SCRIB: variants seen among roughly 807,000 people sequenced by gnomAD.
SCRIB encodes protein scribble homolog.
Under a neutral mutation model 170.0 loss-of-function variants are expected in SCRIB, and 72 were observed. The ratio of observed to expected loss-of-function variants is 0.42; its 90% confidence interval spans 0.35 to 0.52. SCRIB has a LOEUF of 0.52. SCRIB is among the 20% of genes least tolerant of loss of function. The pLI, the probability that SCRIB is intolerant of heterozygous loss-of-function variation, is 0.02. For missense variants in SCRIB, 2,475 were observed against 2,338.5 expected (o/e 1.06, Z -1.20); for synonymous variants, 1,298 against 1,044.3 (o/e 1.24, Z -4.68).
Position 143,810,936 on chromosome 8 carries a change from A to T in SCRIB, c.1243T>A (p.Leu415Met), listed in dbSNP as rs752129353. 8 of 1,612,048 alleles carry T rather than the reference A, an allele frequency of 5.0e-6. No individual in the cohort carries two copies. In the Admixed American group the frequency reaches 1.2e-4, roughly 24 times the overall value. Residue 415 changes from leucine (L) to methionine (M), a missense_variant, in exon 11 of 37, where the codon TTG (leucine) becomes ATG (methionine). Transcript: ENST00000356994. Reference sequence around the variant, plus strand: ...CTGGGTGGGGGCTGCTGGGGCAGCAAGTAGCAGGTGAGCACCTTCTCGCCG... The same window carrying T: ...CTGGGTGGGGGCTGCTGGGGCAGCATGTAGCAGGTGAGCACCTTCTCGCCG... The part of the protein sequence containing the change: ...RTGEKVLTCY[L>M]LPQQPPPSLE...
At chr8:143,799,231 GT>G (rs1192517359) in intron 24 of SCRIB, among the ~76,000 whole-genome samples, 2 of 152,250 alleles carry the variant, frequency 1.3e-5, no homozygotes, top group Non-Finnish European at 2.9e-5. Flanking sequence ...CTACAGAAAA[GT>G]TAACAGCCAG....
At chr8:143,795,623 A>T in intron 24 of SCRIB, 93 bp from the exon 25 acceptor site, 1 of 1,107,372 alleles carries the variant, frequency 9.0e-7, no homozygotes, top group South Asian at 1.3e-5. Context: ...ATAGTCAGCA[A>T]CGGTGAGCCC....
At position 143,811,134 on chromosome 8, in the gene SCRIB, G is replaced by A. The variant is rs1815697596; in HGVS notation, c.1106+12C>T. On this transcript the variant is annotated intron_variant, in intron 10 of 36. Transcript: ENST00000356994. The stretch of plus-strand genomic sequence containing the variant: ...GCCACGGTTAGGCCCGCAGGGCAAG[G>A]CTGGCACTCACCGGTTCCCCGCCAC... 1 of 1,598,748 alleles carries A rather than the reference G, an allele frequency of 6.3e-7. No individual in the cohort carries two copies. Among genetic ancestry groups the A allele is most frequent in the Non-Finnish European group, 8.5e-7 (1 of 1,173,452 alleles).
rs374942762 is a variant in SCRIB, at chr8:143,792,640, C to G, written c.4178-5G>C. On this transcript the variant is annotated splice_region_variant and splice_polypyrimidine_tract_variant and intron_variant, in intron 30 of 36. Transcript: ENST00000356994. ...TCTTCTGCTGTAGTTTTCTGGCTGC[C>G]GGAGGGCAGGGTGGGTCAGGCCAGA... is the stretch of plus-strand genomic sequence containing the variant. 6.3e-7 allele frequency: 1 copy of G among 1,593,148 alleles called. No individual in the cohort carries two copies. Among genetic ancestry groups the G allele is most frequent in the Admixed American group, 1.7e-5 (1 of 58,958 alleles).
At chr8:143,802,613 T>C (rs1815220938) in intron 24 of SCRIB, among the ~76,000 whole-genome samples, 1 of 152,152 alleles carries the variant, frequency 6.6e-6, no homozygotes, top group Admixed American at 6.5e-5. Context: ...GCCACTCCAG[T>C]GGGAAGCCAG....
chr8:143,799,738 G>A (rs934006256), intron 24 of SCRIB, among the ~76,000 whole-genome samples: 7 of 151,904 alleles, frequency 4.6e-5, no homozygotes, highest in Admixed American at 2.6e-4. Flanking sequence ...GACTGTGCAC[G>A]ACCCCTAAAA....
intron 9 of SCRIB, among the ~76,000 whole-genome samples, chr8:143,811,841 A>G (rs1815740185): frequency 6.6e-6 from 1 of 152,068 alleles, no homozygotes; most frequent in Non-Finnish European, 1.5e-5. Context: ...CCTGTTTCCC[A>G]GCCTGGGGAT....
chr8:143,798,676 C>T (rs1815047653), intron 24 of SCRIB, among the ~76,000 whole-genome samples: 1 of 152,160 alleles, frequency 6.6e-6, no homozygotes, highest in Non-Finnish European at 1.5e-5. Flanking sequence ...AAAAACCCTA[C>T]AATCTTAAAT....
At position 143,811,305 on chromosome 8, in the gene SCRIB, T is replaced by C. The variant is rs1414693223; in HGVS notation, c.947A>G (p.Asn316Ser). 6.2e-7 allele frequency: 1 copy of C among 1,612,806 alleles called. No individual in the cohort carries two copies. Among genetic ancestry groups the C allele is most frequent in the Non-Finnish European group, 8.5e-7 (1 of 1,179,884 alleles). The change falls in exon 10 of 37, where the codon AAC (asparagine) becomes AGC (serine). Residue 316 changes from asparagine (N) to serine (S), a missense_variant. Asn to Ser is a conservative substitution (Grantham distance 46). Coordinates refer to ENST00000356994, the MANE Select transcript of SCRIB (RefSeq NM_182706.5). ...GAGGTGGTTCCGGTCCACGTTGAGG[T>C]TGGTCAGCTTAGTCAGCTTTCCCAG... Reference protein sequence around the residue: ...RSLGKLTKLTNLNVDRNHLEA... With the variant: ...RSLGKLTKLTSLNVDRNHLEA...
At chr8:143,801,678 C>T (rs1249824253) in intron 24 of SCRIB, among the ~76,000 whole-genome samples, 1 of 152,292 alleles carries the variant, frequency 6.6e-6, no homozygotes, top group East Asian at 1.9e-4. Context: ...GGACAGCGAG[C>T]CCCCGGGAAG....
rs2130082959 is a variant in SCRIB at position 143,805,271 on chromosome 8, T to A, written c.2511A>T (p.Arg837=). 6.4e-7 allele frequency: 1 copy of A among 1,553,972 alleles called. No individual in the cohort carries two copies. Among genetic ancestry groups the A allele is most frequent in the African/African-American group, 1.4e-5 (1 of 73,524 alleles). The change falls in exon 19 of 37, where the codon CGA becomes CGT. Residue 837 remains arginine (R), a synonymous_variant. Transcript: ENST00000356994. Reference sequence around the variant, plus strand: ...GGCGCAGCCCCCCTCCCCGCCGCTCTCGGGGGCTGTAATCATCCTCGGGCC... The same window carrying A: ...GGCGCAGCCCCCCTCCCCGCCGCTCACGGGGGCTGTAATCATCCTCGGGCC... ...PLRPEDDYSP[R]ERRGGGLRLP...
Position 143,804,066 on chromosome 8 carries a change from G to C in SCRIB, c.3100C>G (p.Pro1034Ala), listed in dbSNP as rs782460996. 4.3e-6 allele frequency: 7 copies of C among 1,611,358 alleles called. No individual in the cohort carries two copies. Among genetic ancestry groups the C allele is most frequent in the Non-Finnish European group, 5.9e-6 (7 of 1,178,516 alleles). The change falls in exon 22 of 37, where the codon CCT (proline) becomes GCT (alanine). Residue 1034 changes from proline to alanine, a missense_variant. By Grantham distance (27) the Pro-to-Ala change is conservative. Coordinates refer to ENST00000356994, the MANE Select transcript of SCRIB (RefSeq NM_182706.5). ...HSSHPFGVQE[P>A]GVFISKVLPR... is the part of the protein sequence containing the mutation. ...CCTACCTTGGAGATGAACACACCAG[G>C]CTCCTGGACACCAAACGGGTGGCTG...
At chr8:143,794,099 G>A (rs2129999251) in intron 27 of SCRIB, 137 bp from the exon 28 acceptor site, 2 of 760,746 alleles carry the variant, frequency 2.6e-6, no homozygotes, top group Middle Eastern at 2.4e-4. Flanking sequence ...CCCAGGGGAT[G>A]CCCCAGACAC....
intron 24 of SCRIB, 30 bp from the exon 25 acceptor site, chr8:143,795,560 G>T: frequency 1.3e-6 from 2 of 1,568,710 alleles, no homozygotes; most frequent in Non-Finnish European, 1.7e-6. Context: ...CTAAGAAGGG[G>T]GGACTGCAAC....
Position 143,804,706 on chromosome 8 carries a change from G to C in SCRIB, c.2871C>G (p.Ser957Arg), listed in dbSNP as rs566226323. 2.5e-6 allele frequency: 4 copies of C among 1,582,250 alleles called. No homozygotes were observed. The South Asian group carries it at 4.7e-5, about 18-fold the overall frequency. The change falls in exon 21 of 37, where the codon AGC (serine) becomes AGG (arginine). Residue 957 changes from serine to arginine, a missense_variant. Physicochemically the swap from Ser to Arg is moderately radical, Grantham distance 110. Around this residue, in one of 3 missense-constraint regions of SCRIB, gnomAD observed 1,966 missense variants for 1,742.9 expected, o/e 1.13. Transcript: ENST00000356994. The stretch of plus-strand genomic sequence containing the variant: ...TGGGGGGTGAGGAATGTGGCAGAGG[G>C]CTGGGAGGAAGAGGGCCCCCAGCCT... Reference protein sequence around the residue: ...EREAGGPLPPSPLPHSSPPTA... With the variant: ...EREAGGPLPPRPLPHSSPPTA...
At chr8:143,797,633 G>C (rs1490103993) in intron 24 of SCRIB, among the ~76,000 whole-genome samples, 1 of 152,218 alleles carries the variant, frequency 6.6e-6, no homozygotes, top group Non-Finnish European at 1.5e-5. Flanking sequence ...ACAGACACGT[G>C]GTAGCTCCAT....
At chr8:143,791,534 C>G (rs782166837) in intron 35 of SCRIB, 94 bp from the exon 36 acceptor site, 122 of 1,585,084 alleles carry the variant, frequency 7.7e-5, no homozygotes, top group Non-Finnish European at 9.9e-5. Flanking sequence ...GCCCACAGAG[C>G]CCGGCTGAAG....
In SCRIB at chr8:143,812,287, G is replaced by A. The variant is rs776752079; in HGVS notation, c.885C>T (p.Ile295=). The change falls in exon 9 of 37, where the codon ATC becomes ATT. Residue 295 remains isoleucine, a synonymous_variant. Transcript: ENST00000356994. The part of the protein sequence containing the change: ...IGDCENLSEL[I]LTENLLMALP... ...CTACCATCAGCAGGTTCTCCGTGAG[G>A]ATCAGCTCAGAGAGGTTCTCACAGT... 5.6e-6 allele frequency: 9 copies of A among 1,610,698 alleles called. No individual in the cohort carries two copies. The highest frequency in any genetic ancestry group is 4.4e-5 in the South Asian group (4 of 91,014).
rs1033194784 is a variant in SCRIB at position 143,812,841 on chromosome 8, G to A, written c.763C>T (p.Leu255=). 1.9e-6 allele frequency: 3 copies of A among 1,603,626 alleles called. No individual in the cohort carries two copies. Among genetic ancestry groups the A allele is most frequent in the South Asian group, 1.1e-5 (1 of 91,056 alleles). The change falls in exon 8 of 37, where the codon CTG becomes TTG. Residue 255 remains leucine, a synonymous_variant. Coordinates refer to ENST00000356994, the MANE Select transcript of SCRIB (RefSeq NM_182706.5). ...LTDLLLSQNL[L]RRLPDGIGQL... ...CCGATGCCGTCGGGCAGCCTCCGCA[G>A]CAGGTTCTGGGACAGCAGCAGGTCA...
Sources: allele counts gnomAD v4.1 joint callset (sites outside exome capture counted in the v4.1 genomes callset), GRCh38; gene constraint gnomAD v4.1.1; regional missense constraint gnomAD v4.1.1; transcripts MANE v1.5; gene names NCBI Gene and HGNC (gene_info 2026-07-23, HGNC 2026-07-21).